The following EHBP1 variants were observed in gnomAD, a reference collection of about 807,000 sequenced individuals.
EHBP1 encodes EH domain binding protein 1.
A neutral mutation model predicts 144.0 loss-of-function variants in EHBP1; 55 were observed. The ratio of observed to expected loss-of-function variants is 0.38; its 90% CI spans 0.31 to 0.48. The LOEUF is 0.48. Ranked by LOEUF, EHBP1 falls within the 20% of genes least tolerant of loss-of-function variation. EHBP1 has a pLI of 0.98. For synonymous variants in EHBP1, 469 were observed against 472.7 expected, an observed-to-expected ratio of 0.99 and a Z score of 0.10; for missense variants, 1,200 against 1,364.2, an observed-to-expected ratio of 0.88 and a Z score of 1.90.
chr2:62,880,180 A>C (rs1296698685), intron 10 of EHBP1, among the ~76,000 whole-genome samples: 1 of 152,158 alleles, frequency 6.6e-6, no homozygotes, highest in African/African-American at 2.4e-5. Context: ...TTGAAACTGG[A>C]CCCCTTCCTT....
At chr2:62,840,445 C>T (rs1480372491) in intron 7 of EHBP1, among the ~76,000 whole-genome samples, 2 of 144,944 alleles carry the variant, frequency 1.4e-5, no homozygotes, top group Admixed American at 7.1e-5. Context: ...ACTTCATGTC[C>T]AAAACACCAA....
intron 10 of EHBP1, among the ~76,000 whole-genome samples, chr2:62,889,963 T>A (rs1176721602): frequency 6.7e-6 from 1 of 148,666 alleles, no homozygotes; most frequent in Non-Finnish European, 1.5e-5. Context: ...ATATGAATTT[T>A]TTTTTTTTTT....
chr2:62,725,726 A>G (rs1279461347), intron 2 of EHBP1, among the ~76,000 whole-genome samples: 1 of 152,162 alleles, frequency 6.6e-6, no homozygotes, highest in Non-Finnish European at 1.5e-5. Flanking sequence ...GGTAGGGTGC[A>G]TGCACATGGG....
intron 10 of EHBP1, among the ~76,000 whole-genome samples, chr2:62,888,452 G>A (rs2052128824): frequency 6.6e-6 from 1 of 152,204 alleles, no homozygotes; most frequent in Non-Finnish European, 1.5e-5. Context: ...GATTTAGAAA[G>A]TTTGCTCATT....
At chr2:62,748,478 A>AC (rs1249544204) in intron 3 of EHBP1, among the ~76,000 whole-genome samples, 1 of 152,000 alleles carries the variant, frequency 6.6e-6, no homozygotes, top group African/African-American at 2.4e-5. Flanking sequence ...ACATAGTGAG[A>AC]CCCCATATCT....
At chr2:62,849,760 T>G (rs1006496616) in intron 7 of EHBP1, among the ~76,000 whole-genome samples, 2 of 152,192 alleles carry the variant, frequency 1.3e-5, no homozygotes, top group Non-Finnish European at 2.9e-5. Context: ...AAATTGCTAG[T>G]TGTTAGAAAT....
At chr2:62,850,729 T>G (rs1280088392) in intron 7 of EHBP1, among the ~76,000 whole-genome samples, 1 of 152,164 alleles carries the variant, frequency 6.6e-6, no homozygotes, top group East Asian at 1.9e-4. Flanking sequence ...GGGTAGCATG[T>G]AACTGAAAAA....
chr2:63,037,349 G>A (rs1036393358), intron 19 of EHBP1, among the ~76,000 whole-genome samples, 186 bp from the exon 20 acceptor site: 5 of 151,888 alleles, frequency 3.3e-5, no homozygotes, highest in African/African-American at 9.7e-5. Flanking sequence ...TATGCATGCC[G>A]AATAATACCA....
At chr2:62,734,791 G>A (rs1402440649) in intron 2 of EHBP1, among the ~76,000 whole-genome samples, 2 of 152,088 alleles carry the variant, frequency 1.3e-5, no homozygotes, top group African/African-American at 2.4e-5. Context: ...ACAGGGTCTC[G>A]TTATGTTGCC....
At chr2:62,978,020 A>G (rs1374433992) in intron 14 of EHBP1, among the ~76,000 whole-genome samples, 1 of 152,094 alleles carries the variant, frequency 6.6e-6, no homozygotes, top group Non-Finnish European at 1.5e-5. Flanking sequence ...ACAATTCTGT[A>G]TGAATAGATG....
At chr2:62,843,455 G>A (rs2048064961) in intron 7 of EHBP1, among the ~76,000 whole-genome samples, 1 of 152,150 alleles carries the variant, frequency 6.6e-6, no homozygotes, top group South Asian at 2.1e-4. Flanking sequence ...TGAAGAAGAA[G>A]GGGTGGGTGG....
At chr2:62,834,956 A>G (rs1286556986) in intron 7 of EHBP1, among the ~76,000 whole-genome samples, 3 of 152,086 alleles carry the variant, frequency 2.0e-5, no homozygotes, top group African/African-American at 7.2e-5. Flanking sequence ...ATCTTTTTTT[A>G]TAGTTTATTT....
chr2:62,976,547 T>C lies in EHBP1; in HGVS notation c.2461-2641T>C, dbSNP rs146904230. 3.0e-3 allele frequency among the ~76,000 whole-genome samples: 461 copies of C among 152,336 alleles called. 8 individuals carry two copies. Among genetic ancestry groups the C allele is most frequent in the East Asian group, 0.026 (137 of 5,188 alleles). On this transcript the variant is annotated intron_variant, in intron 14 of 22. Coordinates refer to ENST00000431489, the MANE Select transcript of EHBP1 (RefSeq NM_001142616.3). ...ATACTCCTTTTTCTTGAAAGCCTCT[T>C]CTACTTTGATTTTCTGGATACTTCA...
intron 14 of EHBP1, among the ~76,000 whole-genome samples, chr2:62,978,201 CTTT>C (rs1337320404): frequency 5.0e-5 from 7 of 139,540 alleles, no homozygotes; most frequent in Admixed American, 7.2e-5. Flanking sequence ...ATTAATAATC[CTTT>C]TTTTTTTTTT....
intron 2 of EHBP1, among the ~76,000 whole-genome samples, chr2:62,712,423 G>GCTGGGTA (rs1490675750): frequency 1.3e-5 from 2 of 152,202 alleles, no homozygotes; most frequent in Admixed American, 6.5e-5. Context: ...TAGGGGGATT[G>GCTGGGTA]CTGGGTAGTA....
intron 19 of EHBP1, among the ~76,000 whole-genome samples, chr2:63,006,610 A>G (rs1267084746): frequency 6.6e-6 from 1 of 151,994 alleles, no homozygotes; most frequent in South Asian, 2.1e-4. Context: ...TGTAAGTTAA[A>G]TACATTTTAA....
At chr2:62,685,940 T>C (rs1476428857) in intron 1 of EHBP1, among the ~76,000 whole-genome samples, 1 of 152,208 alleles carries the variant, frequency 6.6e-6, no homozygotes, top group Non-Finnish European at 1.5e-5. Flanking sequence ...AAATTCTTTT[T>C]GTATAAAAGG....
chr2:62,831,054 G>A lies in EHBP1; in HGVS notation c.530G>A (p.Ser177Asn), dbSNP rs1264472579. ...ATGCAAAGTTTGGCTAGTTTGATGA[G>A]TATGAAGCAGGCTGACATTGGCAAT... is the stretch of plus-strand genomic sequence containing the variant. Reference protein sequence around the residue: ...EDMQSLASLMSMKQADIGNLD... With the variant: ...EDMQSLASLMNMKQADIGNLD... Residue 177 changes from serine (S) to asparagine (N), a missense_variant, in exon 7 of 23, where the codon AGT becomes AAT. Ser to Asn is a conservative substitution (Grantham distance 46, BLOSUM62 1). Around this residue, in one of 6 missense-constraint regions of EHBP1, gnomAD observed 11 missense variants for 38.6 expected, o/e 0.28. Transcript: ENST00000431489. 1 of 1,612,936 alleles carries A rather than the reference G, an allele frequency of 6.2e-7. No homozygotes were observed.
At position 63,046,299 on chromosome 2, in the gene EHBP1, C is replaced by T. The variant is rs1428707595; in HGVS notation, c.*799C>T. The T allele has an allele frequency of 1.3e-5, 2 of 152,672 alleles. No homozygotes were observed. Among genetic ancestry groups the T allele is most frequent in the African/African-American group, 2.4e-5 (1 of 41,450 alleles). The allele number at this position is 152,672 out of a possible 1,614,324, so 9.5% of individuals were successfully genotyped here. The stretch of plus-strand genomic sequence containing the variant: ...ATTTTGTTGGGTCTCAACATTGGCT[C>T]ACGAATGCTGTTAATATTTATTCTG... On this transcript the variant is annotated 3_prime_UTR_variant, in exon 23 of 23. Transcript: ENST00000431489.
Sources: gnomAD v4.1 joint callset for allele counts (sites outside exome capture counted in the v4.1 genomes callset) on GRCh38, gnomAD v4.1.1 for gene constraint, gnomAD v4.1.1 regional missense constraint, MANE v1.5 for transcripts, NCBI Gene and HGNC (gene_info 2026-07-23, HGNC 2026-07-21) for gene names.